The following GPHN variants were observed in gnomAD, a reference collection of about 807,000 sequenced individuals.
GPHN encodes gephyrin.
Under a neutral mutation model 95.5 loss-of-function variants are expected in GPHN, and 17 were observed. That is an observed-to-expected ratio of 0.18 (90% confidence interval 0.12 to 0.27). GPHN has a LOEUF of 0.27. GPHN is among the 10% of genes least tolerant of loss of function. The probability of loss-of-function intolerance (pLI) is 1.00; values close to 1 mark genes in which losing one functional copy is unlikely to be tolerated. For missense variants in GPHN, 660 were observed against 978.1 expected (o/e 0.67, Z 4.34); for synonymous variants, 320 against 322.5 (o/e 0.99, Z 0.08).
the GPHN span, chr14:67,593,515 G>C: frequency 9.6e-6 from 5 of 518,470 alleles, no homozygotes; most frequent in African/African-American, 5.8e-5. Context: ...AAAAAAGATA[G>C]AAAGAGAAGG....
chr14:66,984,759 T>C (rs975139924), intron 9 of GPHN, among the ~76,000 whole-genome samples: 1 of 152,120 alleles, frequency 6.6e-6, no homozygotes, highest in Non-Finnish European at 1.5e-5. Context: ...ACTTGACCTA[T>C]GCTGGTCTGA....
the GPHN span, among the ~76,000 whole-genome samples, chr14:67,514,559 G>T: frequency 6.6e-6 from 1 of 151,996 alleles, no homozygotes; most frequent in Non-Finnish European, 1.5e-5. Flanking sequence ...AAGGCGGCGG[G>T]GTCATTTTGG....
chr14:67,433,686 T>G, the GPHN span, among the ~76,000 whole-genome samples: 1 of 152,132 alleles, frequency 6.6e-6, no homozygotes, highest in Middle Eastern at 3.2e-3. Context: ...AAAGCAGTCA[T>G]CACTATATTT....
chr14:66,695,720 T>C (rs2068062253), intron 2 of GPHN, among the ~76,000 whole-genome samples: 1 of 152,142 alleles, frequency 6.6e-6, no homozygotes, highest in South Asian at 2.1e-4. Context: ...AGAAGGAAAC[T>C]TAAATGCATA....
chr14:66,824,203 T>C (rs919751272), intron 3 of GPHN, among the ~76,000 whole-genome samples: 1 of 152,206 alleles, frequency 6.6e-6, no homozygotes, highest in Non-Finnish European at 1.5e-5. Flanking sequence ...AATTATAAAC[T>C]CTTTATTTAC....
intron 1 of GPHN, among the ~76,000 whole-genome samples, chr14:66,546,526 C>T (rs1233620787): frequency 5.3e-5 from 8 of 152,178 alleles, no homozygotes; most frequent in South Asian, 2.1e-4. Context: ...CCCGGCACCT[C>T]GGGAGGCCGA....
intron 1 of GPHN, among the ~76,000 whole-genome samples, chr14:66,656,394 G>A (rs1401724096): frequency 6.6e-6 from 1 of 152,120 alleles, no homozygotes; most frequent in African/African-American, 2.4e-5. Context: ...GTGGTTTGTA[G>A]TATTTCCTTA....
At chr14:67,224,625 ATT>A in the GPHN span, 41 of 270,264 alleles carry the variant, frequency 1.5e-4, no homozygotes, top group South Asian at 3.3e-4. Flanking sequence ...TAACTTTTAA[ATT>A]TTTTTTTTTA....
the GPHN span, among the ~76,000 whole-genome samples, chr14:67,513,238 A>G: frequency 6.6e-6 from 1 of 152,162 alleles, no homozygotes; most frequent in Non-Finnish European, 1.5e-5. Context: ...TCAGCTCCGA[A>G]TAAATAGCTT....
the GPHN span, among the ~76,000 whole-genome samples, chr14:67,528,019 A>G: frequency 6.6e-6 from 1 of 152,112 alleles, no homozygotes; most frequent in Non-Finnish European, 1.5e-5. Context: ...CCCACTGTGG[A>G]CACTCGGCAA....
intron 1 of GPHN, among the ~76,000 whole-genome samples, chr14:66,655,432 T>G (rs752124296): frequency 6.6e-6 from 1 of 152,142 alleles, no homozygotes; most frequent in African/African-American, 2.4e-5. Flanking sequence ...ACAAATGTAA[T>G]TGATTTTCAT....
intron 1 of GPHN, chr14:66,509,122 T>A (rs1256300768): frequency 6.3e-6 from 1 of 159,408 alleles, no homozygotes; most frequent in African/African-American, 2.4e-5. Flanking sequence ...CTCCTCGGGT[T>A]GTCCCTCGCG....
At chr14:66,970,507 G>A (rs902649365) in intron 9 of GPHN, among the ~76,000 whole-genome samples, 1 of 152,098 alleles carries the variant, frequency 6.6e-6, no homozygotes, top group African/African-American at 2.4e-5. Context: ...TTTCCTTTGT[G>A]AACACCAGGG....
chr14:67,366,081 C>CTT, the GPHN span, among the ~76,000 whole-genome samples: 25 of 141,032 alleles, frequency 1.8e-4, no homozygotes, highest in Admixed American at 3.6e-4. Flanking sequence ...TAATCTTGTA[C>CTT]TTTTTTTTTT....
chr14:67,305,686 T>C, the GPHN span, among the ~76,000 whole-genome samples: 1 of 152,222 alleles, frequency 6.6e-6, no homozygotes, highest in South Asian at 2.1e-4. Context: ...AAGTGTTACA[T>C]TGAAACTTGT....
intron 18 of GPHN, among the ~76,000 whole-genome samples, chr14:67,155,853 G>A (rs7148044): frequency 0.33 from 49,774 of 151,862 alleles, 13,035 homozygotes; most frequent in African/African-American, 0.71. Flanking sequence ...AACTAAAGAC[G>A]GAGAAAATTT....
At chr14:67,408,935 A>G in the GPHN span, among the ~76,000 whole-genome samples, 1 of 151,952 alleles carries the variant, frequency 6.6e-6, no homozygotes, top group African/African-American at 2.4e-5. Context: ...CACATAAATG[A>G]TCCTTTATTG....
chr14:66,845,628 G>A (rs1364367822), intron 4 of GPHN, among the ~76,000 whole-genome samples: 2 of 152,124 alleles, frequency 1.3e-5, no homozygotes. Context: ...TAAGATGAGG[G>A]AACCAGGTCA....
At chr14:67,120,547 AGG>A (rs555408418) in intron 16 of GPHN, among the ~76,000 whole-genome samples, 4 of 151,820 alleles carry the variant, frequency 2.6e-5, no homozygotes, top group Non-Finnish European at 5.9e-5. Context: ...AATAACAGAG[AGG>A]AACATAAATA....
Sources: allele counts gnomAD v4.1 joint callset (sites outside exome capture counted in the v4.1 genomes callset), GRCh38; gene constraint gnomAD v4.1.1; transcripts MANE v1.5; gene names NCBI Gene and HGNC (gene_info 2026-07-23, HGNC 2026-07-21).